Variants in FBXW8 observed in about 807,000 individuals in gnomAD.
FBXW8 encodes the protein F-box/WD repeat-containing protein 8.
FBXW8 carries 57 observed loss-of-function variants against 65.3 expected under a neutral mutation model. That is an observed-to-expected ratio of 0.87 (90% CI 0.71 to 1.09). The LOEUF is 1.09. FBXW8 is among the 50% of genes least tolerant of loss of function. FBXW8 has a pLI of 0.00. For missense variants in FBXW8, 777 were observed against 814.8 expected (o/e 0.95, Z 0.57); for synonymous variants, 308 against 330.2 (o/e 0.93, Z 0.73).
chr12:116,915,228 GC>G (rs1880310259), intron 1 of FBXW8, among the ~76,000 whole-genome samples: 1 of 152,218 alleles, frequency 6.6e-6, no homozygotes, highest in Non-Finnish European at 1.5e-5. Flanking sequence ...GCTGGGTGTT[GC>G]ACATTAGGTC....
At chr12:116,942,578 G>A (rs577707830) in intron 2 of FBXW8, among the ~76,000 whole-genome samples, 2 of 151,658 alleles carry the variant, frequency 1.3e-5, no homozygotes, top group Non-Finnish European at 2.9e-5. Context: ...GTTTCACCAT[G>A]TTGGCCAGGC....
intron 5 of FBXW8, 74 bp downstream of exon 5, chr12:116,964,928 T>A: frequency 6.8e-7 from 1 of 1,464,046 alleles, no homozygotes; most frequent in Non-Finnish European, 9.1e-7. Context: ...TGTGGCCGGC[T>A]CCCCCCTGTA....
chr12:117,015,874 C>T (rs1313609997), intron 8 of FBXW8, among the ~76,000 whole-genome samples: 1 of 152,224 alleles, frequency 6.6e-6, no homozygotes. Flanking sequence ...TAAGCAACCA[C>T]TCATCTACTT....
At chr12:116,999,385 T>G (rs1030399019) in intron 7 of FBXW8, among the ~76,000 whole-genome samples, 4 of 152,240 alleles carry the variant, frequency 2.6e-5, no homozygotes, top group Non-Finnish European at 5.9e-5. Flanking sequence ...TCCAGATTTC[T>G]TTGGGTCTTT....
At chr12:116,991,823 T>C (rs1953247747) in intron 7 of FBXW8, among the ~76,000 whole-genome samples, 1 of 152,246 alleles carries the variant, frequency 6.6e-6, no homozygotes, top group South Asian at 2.1e-4. Context: ...AGTCAGAAAC[T>C]TAAAGCTCCC....
At chr12:116,991,445 C>T (rs900277598) in intron 7 of FBXW8, among the ~76,000 whole-genome samples, 4 of 152,204 alleles carry the variant, frequency 2.6e-5, no homozygotes, top group Admixed American at 1.3e-4. Flanking sequence ...TATCCTCCTG[C>T]TGTGCTCTAA....
chr12:117,017,466 C>A (rs914546961), intron 8 of FBXW8, among the ~76,000 whole-genome samples: 13 of 152,116 alleles, frequency 8.5e-5, no homozygotes, highest in Admixed American at 5.9e-4. Context: ...GGCAGTTCTA[C>A]CTGAAAATAC....
intron 1 of FBXW8, among the ~76,000 whole-genome samples, chr12:116,920,331 C>T (rs1880792468): frequency 6.6e-6 from 1 of 152,180 alleles, no homozygotes; most frequent in Non-Finnish European, 1.5e-5. Context: ...GCTTGGGTTT[C>T]ATTCATATCC....
intron 7 of FBXW8, among the ~76,000 whole-genome samples, chr12:117,003,365 G>A (rs1953588343): frequency 6.6e-6 from 1 of 152,204 alleles, no homozygotes. Flanking sequence ...TGCGGGGGGC[G>A]CACCCTGGGC....
chr12:116,990,508 C>T (rs1418526591), intron 7 of FBXW8, among the ~76,000 whole-genome samples: 2 of 152,150 alleles, frequency 1.3e-5, no homozygotes, highest in African/African-American at 2.4e-5. Flanking sequence ...TCTAATTTTT[C>T]ATCTGGTATG....
At chr12:116,960,815 C>CG (rs1469132274) in intron 4 of FBXW8, among the ~76,000 whole-genome samples, 5 of 152,082 alleles carry the variant, frequency 3.3e-5, no homozygotes, top group African/African-American at 1.2e-4. Context: ...GTTGAGGAGA[C>CG]GATCAATGCA....
intron 7 of FBXW8, among the ~76,000 whole-genome samples, chr12:116,993,301 A>G (rs1953298580): frequency 6.6e-6 from 1 of 151,868 alleles, no homozygotes; most frequent in African/African-American, 2.4e-5. Context: ...ACGAAGTTTC[A>G]CCATGTTGGC....
intron 10 of FBXW8, among the ~76,000 whole-genome samples, 193 bp from the exon 11 acceptor site, chr12:117,027,835 C>T (rs1055244731): frequency 6.6e-6 from 1 of 152,244 alleles, no homozygotes; most frequent in Non-Finnish European, 1.5e-5. Flanking sequence ...CTGCGCCCAT[C>T]GGACTTGTGC....
At chr12:116,969,428 A>G (rs1213127800) in intron 5 of FBXW8, among the ~76,000 whole-genome samples, 3 of 152,214 alleles carry the variant, frequency 2.0e-5, no homozygotes, top group Admixed American at 6.5e-5. Context: ...GATCGACACT[A>G]TGATATTTAC....
chr12:116,931,586 C>A (rs1881775176), intron 2 of FBXW8, among the ~76,000 whole-genome samples: 1 of 151,956 alleles, frequency 6.6e-6, no homozygotes, highest in Non-Finnish European at 1.5e-5. Context: ...CTTTAGCTTC[C>A]TTGGTTGAAT....
chr12:116,997,671 T>C (rs1049091755), intron 7 of FBXW8, among the ~76,000 whole-genome samples: 2 of 152,150 alleles, frequency 1.3e-5, no homozygotes, highest in African/African-American at 4.8e-5. Flanking sequence ...TTCCATCGGC[T>C]GGAAGCAGCA....
intron 1 of FBXW8, among the ~76,000 whole-genome samples, chr12:116,916,248 G>A (rs1880396252): frequency 1.3e-5 from 2 of 152,170 alleles, no homozygotes; most frequent in South Asian, 4.1e-4. Context: ...GAGTCATAAG[G>A]TATGCATAGA....
chr12:116,963,452 A>G (rs1884114140), intron 4 of FBXW8, among the ~76,000 whole-genome samples: 1 of 152,124 alleles, frequency 6.6e-6, no homozygotes, highest in South Asian at 2.1e-4. Context: ...CTAAAAAAAC[A>G]AACTAGCCGG....
chr12:116,953,085 T>C (rs546909399), intron 4 of FBXW8, among the ~76,000 whole-genome samples: 33 of 152,372 alleles, frequency 2.2e-4, no homozygotes, highest in African/African-American at 7.7e-4. Flanking sequence ...TTTTGTTAAA[T>C]GTATACTGTT....
Sources: gnomAD v4.1 joint callset for allele counts (sites outside exome capture counted in the v4.1 genomes callset) on GRCh38, gnomAD v4.1.1 for gene constraint, MANE v1.5 for transcripts, NCBI Gene and HGNC (gene_info 2026-07-23, HGNC 2026-07-21) for gene names.